CDKN2A: variants seen among roughly 807,000 people sequenced by gnomAD.
The protein encoded by CDKN2A is cyclin-dependent kinase inhibitor 2A.
In CDKN2A, 3 loss-of-function variants were observed where a neutral mutation model predicts 11.1. That is an observed-to-expected ratio of 0.27 (90% CI 0.12 to 0.70). The LOEUF (loss-of-function observed/expected upper bound fraction) is 0.70, where lower values mean the gene tolerates loss of function less well. Among genes scored for constraint, CDKN2A ranks in the 30% least tolerant of loss-of-function variants. CDKN2A has a pLI of 0.77. For synonymous variants in CDKN2A, 122 were observed against 108.1 expected (o/e 1.13, Z -0.80); for missense variants, 265 against 233.6 (o/e 1.13, Z -0.88).
intron 1 of CDKN2A, 63 bp from the exon 2 acceptor site, chr9:21,971,271 G>A (rs2131097591): frequency 6.4e-7 from 1 of 1,556,342 alleles, no homozygotes; most frequent in Non-Finnish European, 8.6e-7. Context: ...AAGGAAGCTT[G>A]TGTAGAGCCC....
In CDKN2A at chr9:21,971,002, C is replaced by T. The variant is rs2131093114; in HGVS notation, c.357G>A (p.Glu119=). The change falls in exon 2 of 3, where the codon GAG becomes GAA. Residue 119 remains glutamate (E), a synonymous_variant. Coordinates refer to ENST00000304494, the MANE Select transcript of CDKN2A (RefSeq NM_000077.5). ...AWGRLPVDLA[E]ELGHRDVARY... The stretch of plus-strand genomic sequence containing the variant: ...GTGCGACATCGCGATGGCCCAGCTC[C>T]TCAGCCAGGTCCACGGGCAGACGGC... 6.2e-7 allele frequency: 1 copy of T among 1,609,412 alleles called. No individual in the cohort carries two copies. Among genetic ancestry groups the T allele is most frequent in the Non-Finnish European group, 8.5e-7 (1 of 1,179,914 alleles).
Position 21,968,870 on chromosome 9 carries a change from C to T in CDKN2A, c.458-628G>A, listed in dbSNP as rs1043013429. On this transcript the variant is annotated intron_variant, in intron 2 of 2. Coordinates refer to ENST00000304494, the MANE Select transcript of CDKN2A (RefSeq NM_000077.5). The surrounding 1 kb of genome is among the most constrained non-coding windows in gnomAD (Gnocchi z 4.7). ...GCTCCAGCTCGCCGTTCGGTTCTCC[C>T]GAGGCAGCATTTACACTTGAGAGTC... The T allele has an allele frequency of 8.4e-7, 1 of 1,193,874 alleles. No homozygotes were observed. Among genetic ancestry groups the T allele is most frequent in the Non-Finnish European group, 1.2e-6 (1 of 835,152 alleles). 74.0% of individuals were successfully genotyped at this position (1,193,874 alleles called of 1,614,324 possible).
rs1444891853 is a variant in CDKN2A at position 21,968,042 on chromosome 9, G to A, written c.*187C>T. ...GAATATATAAAAAATGATATAAATG[G>A]ACATTTACGGTAGTGGGGGAAGGCA... On this transcript the variant is annotated 3_prime_UTR_variant, in exon 3 of 3. Coordinates refer to ENST00000304494, the MANE Select transcript of CDKN2A (RefSeq NM_000077.5). The surrounding 1 kb of genome is among the most constrained non-coding windows in gnomAD (Gnocchi z 4.7). 3.3e-6 allele frequency: 2 copies of A among 612,000 alleles called. No homozygotes were observed. The highest frequency in any genetic ancestry group is 3.7e-5 in the African/African-American group (2 of 53,850). 37.9% of individuals were successfully genotyped at this position (612,000 alleles called of 1,614,324 possible).
intron 1 of CDKN2A, chr9:21,994,765 A>C: frequency 1.1e-5 from 2 of 187,308 alleles, no homozygotes; most frequent in Non-Finnish European, 2.2e-5. Context: ...GACGCCTGGA[A>C]CGCAACTCCA....
Position 21,974,811 on chromosome 9 carries a change from C to A in CDKN2A, c.17G>T (p.Gly6Val), listed in dbSNP as rs864622656. MEPAA[G>V]SSMEPSADWL... The stretch of plus-strand genomic sequence containing the variant: ...GTCAGCCGAAGGCTCCATGCTGCTC[C>A]CCGCCGCCGGCTCCATGCTGCTCCC... The change falls in exon 1 of 3, where the codon GGG becomes GTG. Residue 6 changes from glycine (G) to valine (V), a missense_variant. Gly to Val is a moderately radical substitution (Grantham distance 109, BLOSUM62 -3). Transcript: ENST00000304494. This position sits in a 1 kb window ranked among gnomAD's most constrained non-coding sequence, Gnocchi z 5.2. The A allele has an allele frequency of 6.2e-7, 1 of 1,601,876 alleles. No homozygotes were observed. Among genetic ancestry groups the A allele is most frequent in the Non-Finnish European group, 8.5e-7 (1 of 1,177,504 alleles).
At chr9:21,977,457 C>CCGGGTT (rs200024162), upstream of CDKN2A, among the ~76,000 whole-genome samples, 22 of 152,272 alleles carry the variant, frequency 1.4e-4, no homozygotes, top group East Asian at 3.9e-3. Context: ...CCTCCGCCTC[C>CCGGGTT]CGGGTTCGAG....
intron 1 of CDKN2A, chr9:21,994,286 C>A (rs773459232): frequency 1.2e-6 from 2 of 1,603,866 alleles, no homozygotes; most frequent in Non-Finnish European, 1.7e-6. Flanking sequence ...CGCGGCGGGC[C>A]GCACGCGCGC....
upstream of CDKN2A, among the ~76,000 whole-genome samples, chr9:21,978,799 A>T (rs975518284): frequency 1.3e-5 from 2 of 152,212 alleles, no homozygotes; most frequent in African/African-American, 4.8e-5. Flanking sequence ...GGAGTAGGTC[A>T]AACATAGTAT....
Position 21,987,432 on chromosome 9 carries a change from CAGAGAGAGAGAGAG to C in CDKN2A, c.-4+6436_-4+6449del, listed in dbSNP as rs57973132. On this transcript the variant is annotated intron_variant, in intron 2 of 3. Coordinates refer to the CDKN2A transcript ENST00000494262. ...ACACACACACACACACACACACACA[CAGAGAGAGAGAGAG>C]AGAGAGAGAGATCCATTCATCCTGC... 7.3e-3 allele frequency among the ~76,000 whole-genome samples: 1,010 copies of C among 138,244 alleles called. 11 individuals are homozygous for C. Among genetic ancestry groups the C allele is most frequent in the Middle Eastern group, 0.012 (3 of 260 alleles). 90.7% of individuals were successfully genotyped at this position (138,244 alleles called of 152,430 possible).
At chr9:21,970,609 C>T in intron 2 of CDKN2A, 1 of 594,446 alleles carries the variant, frequency 1.7e-6, no homozygotes, top group Non-Finnish European at 3.0e-6. Context: ...TTCATTGCTC[C>T]GCAGTCTAGG....
chr9:21,976,924 A>T (rs1820052295), upstream of CDKN2A, among the ~76,000 whole-genome samples: 1 of 152,252 alleles, frequency 6.6e-6, no homozygotes, highest in Admixed American at 6.5e-5. Context: ...GTTTTAAAAA[A>T]TGGATTGCTC....
chr9:21,980,668 T>C (rs1820150417), intron 2 of CDKN2A, among the ~76,000 whole-genome samples: 1 of 151,844 alleles, frequency 6.6e-6, no homozygotes, highest in Non-Finnish European at 1.5e-5. Context: ...CATCAATATA[T>C]TTGCTTCTCT....
chr9:21,992,104 TAA>T, intron 2 of CDKN2A: 2 of 840,074 alleles, frequency 2.4e-6, no homozygotes, highest in Non-Finnish European at 2.9e-6. Context: ...CATATAAAAA[TAA>T]AAAGTCATAA....
intron 2 of CDKN2A, among the ~76,000 whole-genome samples, chr9:21,982,081 A>G (rs1820209896): frequency 6.6e-6 from 1 of 152,186 alleles, no homozygotes; most frequent in African/African-American, 2.4e-5. Flanking sequence ...CTCTTTTAGA[A>G]ACTCTGTGCC....
At position 21,968,549 on chromosome 9, in the gene CDKN2A, T is replaced by TA; in HGVS notation, c.458-308dup. On this transcript the variant is annotated intron_variant, in intron 2 of 2. Coordinates refer to ENST00000304494, the MANE Select transcript of CDKN2A (RefSeq NM_000077.5). This position sits in a 1 kb window ranked among gnomAD's most constrained non-coding sequence, Gnocchi z 4.7. ...GGTTGCAAGAAGAAAACGAGTGTTA[T>TA]ATAATGAGTCTCAGTGGTTGCTCAC... 1.4e-6 allele frequency: 2 copies of TA among 1,456,804 alleles called. No individual in the cohort carries two copies. The highest frequency in any genetic ancestry group is 4.9e-5 in the East Asian group (2 of 40,410). The allele number at this position is 1,456,804 out of a possible 1,614,324, so 90.2% of individuals were successfully genotyped here. A position where few individuals can be genotyped will look rare whatever the true frequency, so the allele number is the denominator to read the frequency against.
At chr9:21,986,804 T>C (rs1405747562) in intron 2 of CDKN2A, among the ~76,000 whole-genome samples, 1 of 152,086 alleles carries the variant, frequency 6.6e-6, no homozygotes, top group African/African-American at 2.4e-5. Context: ...ACTTCAACTA[T>C]TCAGCATGTA....
rs1287383183 is a variant in CDKN2A, at chr9:21,981,123, T to C, written c.-3-9915A>G. Among the ~76,000 whole-genome samples, 3 of 8,508 alleles carry C rather than the reference T, an allele frequency of 3.5e-4. 1 individual carries two copies. The highest frequency in any genetic ancestry group is 0.017 in the East Asian group (2 of 120). 5.6% of individuals were successfully genotyped at this position (8,508 alleles called of 152,430 possible). On this transcript the variant is annotated intron_variant, in intron 2 of 3. Transcript: ENST00000494262. ...ATATACGTGTATATATATATATACG[T>C]GTATATATATATATACGTGTATATA...
In CDKN2A at chr9:21,989,545, C is replaced by T. The variant is rs927409942; in HGVS notation, c.-4+4337G>A. On this transcript the variant is annotated intron_variant, in intron 2 of 3. Transcript: ENST00000494262. Reference sequence around the variant, plus strand: ...TCGTGGCCTTTCAACACTCTTGGGTCTCCATCTGGCTTGGAAGGGAACGAA... The same window carrying T: ...TCGTGGCCTTTCAACACTCTTGGGTTTCCATCTGGCTTGGAAGGGAACGAA... The T allele has an allele frequency of 2.6e-5, 4 of 152,178 alleles. No individual in the cohort carries two copies. The East Asian group carries it at 5.8e-4, about 22-fold the overall frequency. The allele number at this position is 152,178 out of a possible 1,614,324, so 9.4% of individuals were successfully genotyped here.
chr9:21,992,997 A>T (rs1323938565), intron 2 of CDKN2A, among the ~76,000 whole-genome samples: 1 of 152,238 alleles, frequency 6.6e-6, no homozygotes, highest in African/African-American at 2.4e-5. Context: ...TTTATCCTAT[A>T]GATTATAAAT....
Sources: gnomAD v4.1 joint callset for allele counts (sites outside exome capture counted in the v4.1 genomes callset) on GRCh38, gnomAD v4.1.1 for gene constraint, Gnocchi (gnomAD v3.1) non-coding constraint, MANE v1.5 for transcripts, NCBI Gene and HGNC (gene_info 2026-07-23, HGNC 2026-07-21) for gene names.